The following DGKI variants were observed in gnomAD, a reference collection of about 807,000 sequenced individuals.
The protein encoded by DGKI is DAG kinase iota.
A neutral mutation model predicts 147.5 loss-of-function variants in DGKI; 55 were observed. That is an observed-to-expected ratio of 0.37 (90% CI 0.30 to 0.47). The LOEUF is 0.47. Ranked by LOEUF, DGKI falls within the 20% of genes least tolerant of loss-of-function variation. The pLI, the probability that DGKI is intolerant of heterozygous loss-of-function variation, is 1.00. For missense variants in DGKI, 1,007 were observed against 1,323.8 expected (o/e 0.76, Z 3.71); for synonymous variants, 469 against 477.1 (o/e 0.98, Z 0.22).
chr7:137,695,606 G>C (rs1432326768), intron 1 of DGKI, among the ~76,000 whole-genome samples: 3 of 152,128 alleles, frequency 2.0e-5, no homozygotes, highest in Admixed American at 6.5e-5. Context: ...GTAAGAAGAG[G>C]TCCGAGTAAG....
intron 1 of DGKI, among the ~76,000 whole-genome samples, chr7:137,821,893 CA>C (rs1797913192): frequency 6.6e-6 from 1 of 152,032 alleles, no homozygotes; most frequent in African/African-American, 2.4e-5. Context: ...GAGGAGGAGC[CA>C]AAAACAGGAA....
At chr7:137,476,023 C>G (rs112505302) in intron 23 of DGKI, among the ~76,000 whole-genome samples, 9 of 152,158 alleles carry the variant, frequency 5.9e-5, no homozygotes, top group African/African-American at 2.2e-4. Context: ...GGGCTAAAAA[C>G]CTTTGTTCTG....
chr7:137,392,244 A>G (rs1002526513), intron 32 of DGKI, among the ~76,000 whole-genome samples: 2 of 152,192 alleles, frequency 1.3e-5, no homozygotes, highest in African/African-American at 2.4e-5. Flanking sequence ...TTGTATATAT[A>G]TATTGCTATT....
intron 20 of DGKI, among the ~76,000 whole-genome samples, chr7:137,542,598 G>A (rs1817739726): frequency 6.6e-6 from 1 of 152,160 alleles, no homozygotes; most frequent in Admixed American, 6.5e-5. Flanking sequence ...GAGGTTGGGA[G>A]ATGGGAGGGT....
At chr7:137,747,784 A>G (rs1795384195) in intron 1 of DGKI, among the ~76,000 whole-genome samples, 1 of 152,148 alleles carries the variant, frequency 6.6e-6, no homozygotes, top group Non-Finnish European at 1.5e-5. Context: ...TTTAGATGGG[A>G]TGGCAGCACA....
At chr7:137,752,591 A>T (rs1233489782) in intron 1 of DGKI, among the ~76,000 whole-genome samples, 1 of 152,212 alleles carries the variant, frequency 6.6e-6, no homozygotes, top group East Asian at 1.9e-4. Context: ...TTATCTGTAG[A>T]TTCCAGACAT....
intron 1 of DGKI, among the ~76,000 whole-genome samples, chr7:137,790,231 A>AACACACACACACACACAC (rs137932599): frequency 2.8e-5 from 4 of 143,712 alleles, no homozygotes; most frequent in African/African-American, 5.1e-5. Flanking sequence ...GTGTATTACC[A>AACACACACACACACACAC]ACACACACAC....
At chr7:137,677,727 T>C (rs1043310579) in intron 3 of DGKI, among the ~76,000 whole-genome samples, 1 of 152,218 alleles carries the variant, frequency 6.6e-6, no homozygotes, top group Admixed American at 6.5e-5. Flanking sequence ...CAAATATTTT[T>C]TTAAAAAAGA....
At chr7:137,405,524 T>C (rs2128897648) in intron 30 of DGKI, among the ~76,000 whole-genome samples, 1 of 152,360 alleles carries the variant, frequency 6.6e-6, no homozygotes, top group South Asian at 2.1e-4. Context: ...CACTTTAAAC[T>C]GCAGAGACCG....
Position 137,720,611 on chromosome 7 carries a change from C to G in DGKI, c.402-30609G>C, listed in dbSNP as rs370362127. Among the ~76,000 whole-genome samples, 11 of 152,124 alleles carry G rather than the reference C, an allele frequency of 7.2e-5. No individual in the cohort carries two copies. The East Asian group carries it at 9.6e-4, about 13-fold the overall frequency. On this transcript the variant is annotated intron_variant, in intron 1 of 32. Transcript: ENST00000614521. ...TGCCAGGTGGGATTTTTGGTAATAT[C>G]CCCCATACACTATTTCAAAGCCCCA...
Position 137,585,402 on chromosome 7 carries a change from A to G in DGKI, c.1426-56T>C, listed in dbSNP as rs957172970. On this transcript the variant is annotated intron_variant, in intron 13 of 32. Coordinates refer to ENST00000614521, the MANE Select transcript of DGKI (RefSeq NM_001321708.2). ...TCCAGAGTGGAGAACAGTGAAGCCAATGCTATTTTACGCAAGGAAGAGCCA... is the reference window on the plus strand; with the variant it reads ...TCCAGAGTGGAGAACAGTGAAGCCAGTGCTATTTTACGCAAGGAAGAGCCA... 10 of 1,571,362 alleles carry G rather than the reference A, an allele frequency of 6.4e-6. No homozygotes were observed. The African/African-American group carries it at 1.2e-4, about 19-fold the overall frequency.
intron 1 of DGKI, among the ~76,000 whole-genome samples, chr7:137,746,051 AG>A (rs966558511): frequency 6.6e-6 from 1 of 152,028 alleles, no homozygotes; most frequent in Admixed American, 6.6e-5. Flanking sequence ...GGGCTTTCCA[AG>A]GGGGGATACT....
At chr7:137,598,025 C>A in intron 11 of DGKI, 118 bp from the exon 12 acceptor site, 4 of 820,040 alleles carry the variant, frequency 4.9e-6, no homozygotes, top group African/African-American at 1.7e-5. Flanking sequence ...AATGTGTAAT[C>A]ATGAGGATGA....
At chr7:137,782,411 C>T (rs1358490327) in intron 1 of DGKI, among the ~76,000 whole-genome samples, 1 of 152,132 alleles carries the variant, frequency 6.6e-6, no homozygotes, top group Non-Finnish European at 1.5e-5. Flanking sequence ...GCCTGGGAAC[C>T]ACACCCCCAT....
At chr7:137,432,028 C>A (rs1004406034) in intron 28 of DGKI, among the ~76,000 whole-genome samples, 1 of 152,132 alleles carries the variant, frequency 6.6e-6, no homozygotes, top group African/African-American at 2.4e-5. Flanking sequence ...TGAGTCTTCA[C>A]GAGATCTGGT....
intron 20 of DGKI, 152 bp from the exon 21 acceptor site, chr7:137,522,118 C>T: frequency 1.7e-6 from 1 of 574,722 alleles, no homozygotes; most frequent in Non-Finnish European, 3.0e-6. Flanking sequence ...CAGAATTGAA[C>T]AGTGATCTGG....
chr7:137,675,634 G>C (rs532862659), intron 3 of DGKI, among the ~76,000 whole-genome samples: 1 of 144,802 alleles, frequency 6.9e-6, no homozygotes, highest in East Asian at 2.0e-4. Flanking sequence ...GCAGTGAGCC[G>C]AGATCACACC....
At chr7:137,755,552 A>C (rs370443126) in intron 1 of DGKI, among the ~76,000 whole-genome samples, 18 of 152,342 alleles carry the variant, frequency 1.2e-4, no homozygotes, top group African/African-American at 4.3e-4. Context: ...AATGCTCTTA[A>C]GTCTCTTAGG....
At position 137,666,278 on chromosome 7, in the gene DGKI, C is replaced by T. The variant is rs1372246205; in HGVS notation, c.607-9738G>A. Among the ~76,000 whole-genome samples the T allele has an allele frequency of 2.0e-5, 3 of 152,186 alleles. No individual in the cohort carries two copies. The East Asian group carries it at 5.8e-4, about 29-fold the overall frequency. On this transcript the variant is annotated intron_variant, in intron 3 of 32. Coordinates refer to ENST00000614521, the MANE Select transcript of DGKI (RefSeq NM_001321708.2). ...GCTTCAACAGAAATCTACAGCAAGC[C>T]TGTGGTCCCTGATACTCAGGAGGCT... is the stretch of plus-strand genomic sequence containing the variant.
Sources: gnomAD v4.1 joint callset for allele counts (sites outside exome capture counted in the v4.1 genomes callset) on GRCh38, gnomAD v4.1.1 for gene constraint, MANE v1.5 for transcripts, NCBI Gene and HGNC (gene_info 2026-07-23, HGNC 2026-07-21) for gene names.